The following TCF7 variants were observed in gnomAD, a reference collection of about 807,000 sequenced individuals.
The protein encoded by TCF7 is transcription factor 7.
Under a neutral mutation model 46.8 loss-of-function variants are expected in TCF7, and 19 were observed. The observed-to-expected ratio is 0.41, with a 90% confidence interval of 0.28 to 0.60. The LOEUF is 0.60. Ranked by LOEUF, TCF7 falls within the 20% of genes least tolerant of loss-of-function variation. The pLI is 0.35. For missense variants in TCF7, 547 were observed against 504.6 expected (o/e 1.08, Z -0.81); for synonymous variants, 245 against 213.4 (o/e 1.15, Z -1.29).
At chr5:134,139,291 C>G in intron 5 of TCF7, 1 of 530,572 alleles carries the variant, frequency 1.9e-6, no homozygotes, top group Admixed American at 3.1e-5. Context: ...CTGGTCCCAG[C>G]CCTGTCTCCC....
chr5:134,137,152 G>T (rs1758978926), intron 3 of TCF7, among the ~76,000 whole-genome samples: 1 of 152,242 alleles, frequency 6.6e-6, no homozygotes, highest in South Asian at 2.1e-4. Context: ...GCTGGGCGCA[G>T]TTGGCTCACG....
At chr5:134,113,865 G>A (rs1243780106), upstream of TCF7, among the ~76,000 whole-genome samples, 1 of 152,240 alleles carries the variant, frequency 6.6e-6, no homozygotes, top group East Asian at 1.9e-4. Flanking sequence ...TTCTAGGGTT[G>A]AGTTGCTGTG....
At chr5:134,125,669 T>C (rs1309122330) in intron 3 of TCF7, among the ~76,000 whole-genome samples, 1 of 152,210 alleles carries the variant, frequency 6.6e-6, no homozygotes, top group African/African-American at 2.4e-5. Context: ...TGGAACCATC[T>C]TACAGAAGAG....
At chr5:134,123,702 C>T in intron 3 of TCF7, 1 of 456,272 alleles carries the variant, frequency 2.2e-6, no homozygotes, top group Non-Finnish European at 4.4e-6. Flanking sequence ...TGGGGCAGCG[C>T]TGGTTCCAGA....
chr5:134,131,923 T>C (rs959379134), intron 3 of TCF7, among the ~76,000 whole-genome samples: 1 of 152,218 alleles, frequency 6.6e-6, no homozygotes, highest in Non-Finnish European at 1.5e-5. Context: ...GGCTGGGGCC[T>C]TGGGGTCATG....
In TCF7 at chr5:134,143,006, C is replaced by T. The variant is rs759167485; in HGVS notation, c.932C>T (p.Ser311Leu). ...TCCCTGTTGCAGTGGCACGCGCTGTCGCGAGAAGAGCAGGCCAAGTACTAT... is the reference window on the plus strand; with the variant it reads ...TCCCTGTTGCAGTGGCACGCGCTGTTGCGAGAAGAGCAGGCCAAGTACTAT... ...QILGRRWHAL[S>L]REEQAKYYEL... Residue 311 changes from serine (S) to leucine (L), a missense_variant, in exon 8 of 10, where the codon TCG becomes TTG. Coordinates refer to ENST00000342854, the MANE Select transcript of TCF7 (RefSeq NM_003202.5). 2 of 1,612,848 alleles carry T rather than the reference C, an allele frequency of 1.2e-6. No individual in the cohort carries two copies. The highest frequency in any genetic ancestry group is 1.7e-6 in the Non-Finnish European group (2 of 1,179,442).
In TCF7 at chr5:134,143,622, C is replaced by A; in HGVS notation, c.1057C>A (p.His353Asn). Reference sequence around the variant, plus strand: ...GAAGAAGAGGCGGTCGAGGGAAAAGCACCAAGAATCCACCACAGGTGAGAC... The same window carrying A: ...GAAGAAGAGGCGGTCGAGGGAAAAGAACCAAGAATCCACCACAGGTGAGAC... ...GKKKRRSREK[H>N]QESTTGGKRN... The change falls in exon 9 of 10, where the codon CAC becomes AAC. Residue 353 changes from histidine (H) to asparagine (N), a missense_variant. Physicochemically the swap from His to Asn is moderately conservative, Grantham distance 68 (BLOSUM62 1). Transcript: ENST00000342854. 1 of 1,614,068 alleles carries A rather than the reference C, an allele frequency of 6.2e-7. No homozygotes were observed. The highest frequency in any genetic ancestry group is 8.5e-7 in the Non-Finnish European group (1 of 1,180,018).
chr5:134,125,538 C>T (rs1230214612), intron 3 of TCF7, among the ~76,000 whole-genome samples: 1 of 152,228 alleles, frequency 6.6e-6, no homozygotes, highest in Non-Finnish European at 1.5e-5. Context: ...TGTGGCTGTA[C>T]CCAAGGCAGA....
At chr5:134,132,310 T>G (rs1022343537) in intron 3 of TCF7, among the ~76,000 whole-genome samples, 2 of 152,230 alleles carry the variant, frequency 1.3e-5, no homozygotes. Flanking sequence ...TCCGCTCACA[T>G]TAGCACATGC....
chr5:134,142,565 G>A (rs1387122717), intron 6 of TCF7, among the ~76,000 whole-genome samples, 156 bp from the exon 7 acceptor site: 1 of 152,110 alleles, frequency 6.6e-6, no homozygotes, highest in African/African-American at 2.4e-5. Context: ...TTACTTAGCT[G>A]TCTGCTCACC....
chr5:134,126,864 T>C (rs1355274750), intron 3 of TCF7, among the ~76,000 whole-genome samples: 1 of 149,534 alleles, frequency 6.7e-6, no homozygotes, highest in Non-Finnish European at 1.5e-5. Context: ...ACCACTGCAC[T>C]CCAGCCTGGG....
At chr5:134,142,405 T>C in intron 6 of TCF7, 101 bp downstream of exon 6, 1 of 1,130,484 alleles carries the variant, frequency 8.8e-7, no homozygotes, top group East Asian at 5.8e-5. Flanking sequence ...CTAAGCTGTT[T>C]CGTGCCTCTG....
chr5:134,138,364 A>G, intron 4 of TCF7, 200 bp downstream of exon 4: 1 of 552,352 alleles, frequency 1.8e-6, no homozygotes, highest in Non-Finnish European at 3.2e-6. Flanking sequence ...TGCTAGGTCA[A>G]AATGTGAAGG....
rs927227251 is a variant in TCF7 at position 134,115,139 on chromosome 5, C to T, written c.233C>T (p.Ala78Val). The change falls in exon 1 of 10, where the codon GCC becomes GTC. Residue 78 changes from alanine to valine, a missense_variant. Physicochemically the swap from Ala to Val is moderately conservative, Grantham distance 64. Around this residue, in one of 3 missense-constraint regions of TCF7, gnomAD observed 425 missense variants for 349.9 expected, o/e 1.21. Coordinates refer to ENST00000342854, the MANE Select transcript of TCF7 (RefSeq NM_003202.5). ...GGGGTCCCGGGGGCCGGCGCCGGGG[C>T]CCGCGGCGAGGCCGAGGTGAGCCCC... ...IPGVPGAGAG[A>V]RGEAEALGRE... 5 of 1,012,506 alleles carry T rather than the reference C, an allele frequency of 4.9e-6. No individual in the cohort carries two copies. The highest frequency in any genetic ancestry group is 5.9e-6 in the Non-Finnish European group (5 of 849,142). The allele number at this position is 1,012,506 out of a possible 1,614,324, so 62.7% of individuals were successfully genotyped here.
chr5:134,134,827 G>A (rs1444041900), intron 3 of TCF7, among the ~76,000 whole-genome samples: 1 of 152,210 alleles, frequency 6.6e-6, no homozygotes, highest in African/African-American at 2.4e-5. Context: ...CACACTTTCA[G>A]CATTATCACT....
intron 9 of TCF7, chr5:134,145,090 C>A (rs976744894): frequency 7.9e-6 from 5 of 635,184 alleles, no homozygotes; most frequent in African/African-American, 1.8e-5. Context: ...GAGAAAGACA[C>A]AGAATGTTCC....
At chr5:134,135,334 C>T (rs1042886733) in intron 3 of TCF7, among the ~76,000 whole-genome samples, 2 of 152,080 alleles carry the variant, frequency 1.3e-5, no homozygotes, top group African/African-American at 4.8e-5. Flanking sequence ...AGAAGTGACA[C>T]GATCTGATTC....
chr5:134,135,584 A>G (rs1334364001), intron 3 of TCF7, among the ~76,000 whole-genome samples: 5 of 152,220 alleles, frequency 3.3e-5, no homozygotes. Flanking sequence ...TAGTCTGAGC[A>G]GCTGAAAGGA....
At chr5:134,137,339 G>A (rs995327573) in intron 3 of TCF7, among the ~76,000 whole-genome samples, 6 of 148,296 alleles carry the variant, frequency 4.0e-5, no homozygotes, top group Admixed American at 7.0e-5. Flanking sequence ...CAGGAGAATC[G>A]CTTAAACTGC....
Sources: gnomAD v4.1 joint callset for allele counts (sites outside exome capture counted in the v4.1 genomes callset) on GRCh38, gnomAD v4.1.1 for gene constraint, gnomAD v4.1.1 regional missense constraint, MANE v1.5 for transcripts, NCBI Gene and HGNC (gene_info 2026-07-23, HGNC 2026-07-21) for gene names.